VSNL1: variants seen among roughly 807,000 people sequenced by gnomAD.
VSNL1 encodes the protein visinin-like protein 1.
A neutral mutation model predicts 20.4 loss-of-function variants in VSNL1; 6 were observed. That is an observed-to-expected ratio of 0.29 (90% CI 0.16 to 0.58). VSNL1 has a LOEUF of 0.58. Ranked by LOEUF, VSNL1 falls within the 20% of genes least tolerant of loss-of-function variation. VSNL1 has a pLI of 0.90. For synonymous variants in VSNL1, 93 were observed against 86.4 expected (o/e 1.08, Z -0.42); for missense variants, 100 against 234.5 (o/e 0.43, Z 3.75).
At chr2:17,624,226 C>G (rs951294838) in intron 2 of VSNL1, among the ~76,000 whole-genome samples, 12 of 152,164 alleles carry the variant, frequency 7.9e-5, no homozygotes, top group African/African-American at 2.7e-4. Flanking sequence ...GGGAACAATG[C>G]CTGTGTGGAC....
intron 1 of VSNL1, among the ~76,000 whole-genome samples, chr2:17,574,894 G>C (rs1664169200): frequency 6.6e-6 from 1 of 152,174 alleles, no homozygotes; most frequent in African/African-American, 2.4e-5. Context: ...AGCCTCCCAA[G>C]TAGCTGGAAC....
intron 2 of VSNL1, among the ~76,000 whole-genome samples, chr2:17,645,950 GA>G (rs770256931): frequency 4.6e-5 from 7 of 152,194 alleles, no homozygotes; most frequent in Non-Finnish European, 8.8e-5. Flanking sequence ...AGGATGGGGG[GA>G]AAGGACCACA....
At chr2:17,609,505 C>T (rs907330940) in intron 2 of VSNL1, among the ~76,000 whole-genome samples, 1 of 152,178 alleles carries the variant, frequency 6.6e-6, no homozygotes, top group Non-Finnish European at 1.5e-5. Context: ...TTTTGGAGGG[C>T]TTCTTTCTGT....
chr2:17,642,309 CTTTT>C (rs577471307), intron 2 of VSNL1, among the ~76,000 whole-genome samples: 3 of 93,192 alleles, frequency 3.2e-5, no homozygotes, highest in East Asian at 2.3e-4. Context: ...GTGAGCATTC[CTTTT>C]TTTTTTTTTT....
intron 3 of VSNL1, among the ~76,000 whole-genome samples, chr2:17,654,171 T>G (rs80166467): frequency 2.6e-5 from 4 of 152,378 alleles, no homozygotes; most frequent in Non-Finnish European, 5.9e-5. Context: ...AATGTTCTCA[T>G]GCAAGTCTTT....
At chr2:17,644,356 T>A (rs1471409252) in intron 2 of VSNL1, among the ~76,000 whole-genome samples, 3 of 152,170 alleles carry the variant, frequency 2.0e-5, no homozygotes, top group Non-Finnish European at 4.4e-5. Context: ...GGTGAGCTCA[T>A]CTGAACAGCT....
chr2:17,608,590 C>T (rs1345712757), intron 2 of VSNL1, among the ~76,000 whole-genome samples: 1 of 152,138 alleles, frequency 6.6e-6, no homozygotes, highest in African/African-American at 2.4e-5. Context: ...GTCTGTTCAG[C>T]TTTCAGGATA....
chr2:17,594,540 T>C (rs1322628200), intron 2 of VSNL1, among the ~76,000 whole-genome samples: 1 of 152,078 alleles, frequency 6.6e-6, no homozygotes, highest in Non-Finnish European at 1.5e-5. Flanking sequence ...TGGAAAAAAA[T>C]GCAAATATTC....
Position 17,655,183 on chromosome 2 carries a change from CT to C in VSNL1, c.379-8del, listed in dbSNP as rs144020266. On this transcript the variant is annotated splice_polypyrimidine_tract_variant and intron_variant, in intron 3 of 3. Transcript: ENST00000295156. The surrounding 1 kb of genome is among the most constrained non-coding windows in gnomAD (Gnocchi z 5.2). Reference sequence around the variant, plus strand: ...GTTTCTGGTAATATCACCTACAATGCTTTTTTCCCCAAGGCTATCTACAAAA... The same window carrying C: ...GTTTCTGGTAATATCACCTACAATGCTTTTTCCCCAAGGCTATCTACAAAA... The C allele has an allele frequency of 1.2e-6, 2 of 1,613,022 alleles. No homozygotes were observed. Among genetic ancestry groups the C allele is most frequent in the South Asian group, 1.1e-5 (1 of 91,004 alleles).
At chr2:17,559,264 G>C (rs1663756767) in intron 1 of VSNL1, among the ~76,000 whole-genome samples, 1 of 151,996 alleles carries the variant, frequency 6.6e-6, no homozygotes, top group Admixed American at 6.6e-5. Context: ...AAAAATTAGG[G>C]GTTTTATTAC....
chr2:17,574,183 A>T (rs1351551497), intron 1 of VSNL1, among the ~76,000 whole-genome samples: 1 of 151,948 alleles, frequency 6.6e-6, no homozygotes, highest in East Asian at 1.9e-4. Flanking sequence ...GGTAAATCCT[A>T]TCCTATGTCT....
At chr2:17,644,973 C>A (rs1665961665) in intron 2 of VSNL1, among the ~76,000 whole-genome samples, 1 of 152,236 alleles carries the variant, frequency 6.6e-6, no homozygotes, top group Admixed American at 6.5e-5. Context: ...ACAAAACTGA[C>A]CCAAGTGAGG....
intron 1 of VSNL1, among the ~76,000 whole-genome samples, chr2:17,569,306 CA>C (rs202086149): frequency 2.0e-4 from 25 of 124,890 alleles, no homozygotes; most frequent in East Asian, 1.1e-3. Context: ...GACCCTGTCT[CA>C]AAAAAAAAAT....
intron 2 of VSNL1, among the ~76,000 whole-genome samples, chr2:17,619,982 A>C (rs1665319485): frequency 6.6e-6 from 1 of 152,114 alleles, no homozygotes; most frequent in Non-Finnish European, 1.5e-5. Flanking sequence ...GCATAGGGGA[A>C]GGGCACTTGC....
chr2:17,631,002 G>A (rs1665615963), intron 2 of VSNL1, among the ~76,000 whole-genome samples: 1 of 152,090 alleles, frequency 6.6e-6, no homozygotes, highest in East Asian at 1.9e-4. Context: ...GGCTGATCTC[G>A]AACTCTTGAC....
Position 17,655,463 on chromosome 2 carries a change from A to ACACT in VSNL1, c.*72_*73insTCAC. 1.3e-6 allele frequency: 1 copy of ACACT among 777,804 alleles called. No homozygotes were observed. The highest frequency in any genetic ancestry group is 1.9e-6 in the Non-Finnish European group (1 of 522,994). The allele number at this position is 777,804 out of a possible 1,614,324, so 48.2% of individuals were successfully genotyped here. A position where few individuals can be genotyped will look rare whatever the true frequency, so the allele number is the denominator to read the frequency against. On this transcript the variant is annotated 3_prime_UTR_variant, in exon 4 of 4. Transcript: ENST00000295156. The surrounding 1 kb of genome is among the most constrained non-coding windows in gnomAD (Gnocchi z 5.2). Reference sequence around the variant, plus strand: ...ATTCAGTCTGCAGCTATTCACACACACACACACACACACACACACACACAC... The same window carrying ACACT: ...ATTCAGTCTGCAGCTATTCACACACACACTCACACACACACACACACACACACAC...
rs560710206 is a variant in VSNL1, at chr2:17,596,595, G to T, written c.162+4359G>T. ...TAGCCACTGTGACATCAAAGCCAAA[G>T]AAATCAAGAAACAAACCTAGAGGAA... is the stretch of plus-strand genomic sequence containing the variant. On this transcript the variant is annotated intron_variant, in intron 2 of 3. Transcript: ENST00000295156. Among the ~76,000 whole-genome samples the T allele has an allele frequency of 3.9e-5, 6 of 152,306 alleles. No homozygotes were observed. The East Asian group carries it at 7.7e-4, about 20-fold the overall frequency.
chr2:17,571,019 C>G (rs2103356235), intron 1 of VSNL1, among the ~76,000 whole-genome samples: 1 of 151,612 alleles, frequency 6.6e-6, no homozygotes, highest in South Asian at 2.1e-4. Flanking sequence ...GAGCAAGACT[C>G]CATCTCAAAA....
At chr2:17,602,436 C>A (rs1165164605) in intron 2 of VSNL1, among the ~76,000 whole-genome samples, 2 of 152,204 alleles carry the variant, frequency 1.3e-5, no homozygotes, top group Non-Finnish European at 2.9e-5. Context: ...TTACGACCAA[C>A]TTTCCCTGTC....
Sources: allele counts gnomAD v4.1 joint callset (sites outside exome capture counted in the v4.1 genomes callset), GRCh38; gene constraint gnomAD v4.1.1; non-coding constraint Gnocchi (gnomAD v3.1); transcripts MANE v1.5; gene names NCBI Gene and HGNC (gene_info 2026-07-23, HGNC 2026-07-21).